CSMD2: variants seen among roughly 807,000 people sequenced by gnomAD.
The protein encoded by CSMD2 is CUB and Sushi multiple domains 2.
CSMD2 carries 130 observed loss-of-function variants against 398.5 expected under a neutral mutation model. The observed-to-expected ratio is 0.33, with a 90% CI of 0.28 to 0.38. CSMD2 has a LOEUF of 0.38. Among genes scored for constraint, CSMD2 ranks in the 10% least tolerant of loss-of-function variants. The pLI is 1.00. For synonymous variants in CSMD2, 1,828 were observed against 1,908.5 expected (o/e 0.96, Z 1.10); for missense variants, 3,829 against 4,764.9 (o/e 0.80, Z 5.78).
intron 5 of CSMD2, among the ~76,000 whole-genome samples, chr1:33,907,115 C>CTTTTTTTT (rs59706894): frequency 1.1e-5 from 1 of 89,002 alleles, no homozygotes; most frequent in Non-Finnish European, 2.1e-5. Context: ...TGATGATTAT[C>CTTTTTTTT]TTTTTTTTTT....
intron 25 of CSMD2, among the ~76,000 whole-genome samples, chr1:33,687,935 C>T (rs1040105693): frequency 3.9e-5 from 6 of 152,318 alleles, no homozygotes; most frequent in African/African-American, 1.4e-4. Flanking sequence ...ATCCTATTGT[C>T]CATCTAAGCG....
At chr1:34,090,331 C>T (rs973160128) in intron 1 of CSMD2, among the ~76,000 whole-genome samples, 1 of 152,174 alleles carries the variant, frequency 6.6e-6, no homozygotes, top group African/African-American at 2.4e-5. Flanking sequence ...CCCACAATAC[C>T]ATACTCCTTT....
At chr1:34,152,234 G>A (rs971677221) in intron 1 of CSMD2, among the ~76,000 whole-genome samples, 1 of 152,128 alleles carries the variant, frequency 6.6e-6, no homozygotes, top group Non-Finnish European at 1.5e-5. Flanking sequence ...ATGATTCATG[G>A]AATGGGTTTC....
At chr1:33,614,688 T>C in intron 39 of CSMD2, 68 bp from the exon 40 acceptor site, 1 of 851,232 alleles carries the variant, frequency 1.2e-6, no homozygotes, top group Admixed American at 2.2e-5. Flanking sequence ...TGCCAATGTT[T>C]GGAAGCTCCC....
At chr1:34,066,211 G>T (rs1655092040) in intron 2 of CSMD2, among the ~76,000 whole-genome samples, 1 of 152,114 alleles carries the variant, frequency 6.6e-6, no homozygotes, top group African/African-American at 2.4e-5. Context: ...TTTTTATGCA[G>T]ACACATACAC....
intron 5 of CSMD2, among the ~76,000 whole-genome samples, chr1:33,867,203 G>C (rs987206730): frequency 6.6e-6 from 1 of 152,246 alleles, no homozygotes; most frequent in African/African-American, 2.4e-5. Context: ...AAGTGGTCAA[G>C]TTTGAGAAGC....
At chr1:34,150,090 GT>G (rs1366026576) in intron 1 of CSMD2, among the ~76,000 whole-genome samples, 1 of 140,312 alleles carries the variant, frequency 7.1e-6, no homozygotes, top group Non-Finnish European at 1.5e-5. Flanking sequence ...TTTTTTTTTT[GT>G]TTTTTTTTGA....
intron 3 of CSMD2, among the ~76,000 whole-genome samples, chr1:33,971,688 G>A (rs975980362): frequency 1.3e-5 from 2 of 152,184 alleles, no homozygotes; most frequent in African/African-American, 4.8e-5. Context: ...GGTCATGTGG[G>A]ATTGGTTCAA....
At chr1:33,771,737 A>G (rs564155402) in intron 13 of CSMD2, among the ~76,000 whole-genome samples, 22 of 152,228 alleles carry the variant, frequency 1.4e-4, no homozygotes, top group Non-Finnish European at 1.2e-4. Flanking sequence ...CGGGTGAAGG[A>G]TCTGAGGGTC....
chr1:34,042,283 C>G (rs1434366548), intron 2 of CSMD2, among the ~76,000 whole-genome samples: 1 of 152,202 alleles, frequency 6.6e-6, no homozygotes, highest in Non-Finnish European at 1.5e-5. Context: ...GCTGGCAAAT[C>G]AAAACACTAT....
intron 3 of CSMD2, among the ~76,000 whole-genome samples, chr1:33,948,385 C>G (rs1435107530): frequency 6.6e-6 from 1 of 152,226 alleles, no homozygotes; most frequent in Admixed American, 6.5e-5. Context: ...CATACTAACA[C>G]ACACTCACAC....
chr1:33,894,594 T>G (rs1642255544), intron 5 of CSMD2, among the ~76,000 whole-genome samples: 2 of 152,190 alleles, frequency 1.3e-5, no homozygotes, highest in African/African-American at 2.4e-5. Context: ...AGACCCCCAT[T>G]GTGGTAGCTG....
At chr1:33,986,363 A>G (rs999254306) in intron 3 of CSMD2, among the ~76,000 whole-genome samples, 2 of 152,136 alleles carry the variant, frequency 1.3e-5, no homozygotes, top group East Asian at 3.9e-4. Flanking sequence ...AAGGGAAGGG[A>G]AGCTAACACG....
intron 5 of CSMD2, among the ~76,000 whole-genome samples, chr1:33,856,876 T>C (rs1463861906): frequency 6.6e-6 from 1 of 151,954 alleles, no homozygotes; most frequent in African/African-American, 2.4e-5. Flanking sequence ...TGAGCCCTTC[T>C]TTCCCCAGTT....
intron 19 of CSMD2, among the ~76,000 whole-genome samples, chr1:33,717,644 G>A (rs1393964477): frequency 2.0e-5 from 3 of 151,694 alleles, no homozygotes; most frequent in Non-Finnish European, 4.4e-5. Flanking sequence ...AGGATTAAAG[G>A]GGGACTACAG....
chr1:33,558,110 T>C (rs1207768002), intron 54 of CSMD2, among the ~76,000 whole-genome samples, 188 bp from the exon 55 acceptor site: 1 of 152,202 alleles, frequency 6.6e-6, no homozygotes, highest in South Asian at 2.1e-4. Flanking sequence ...CATCACCTCC[T>C]TAGAGAACTC....
chr1:33,825,563 G>T, intron 7 of CSMD2, 134 bp downstream of exon 7: 1 of 799,508 alleles, frequency 1.3e-6, no homozygotes, highest in African/African-American at 1.7e-5. Context: ...GTGTCCAAGC[G>T]CAGAGCCCAG....
chr1:33,616,719 A>G (rs1641414904), intron 39 of CSMD2, among the ~76,000 whole-genome samples, 187 bp downstream of exon 39: 1 of 152,228 alleles, frequency 6.6e-6, no homozygotes, highest in African/African-American at 2.4e-5. Context: ...AGAGTTTCCA[A>G]AAGTGATGAC....
chr1:33,558,947 AAAT>A (rs1278280672), intron 54 of CSMD2, among the ~76,000 whole-genome samples: 2 of 152,254 alleles, frequency 1.3e-5, no homozygotes, highest in Non-Finnish European at 2.9e-5. Flanking sequence ...GCAGCTGCAG[AAAT>A]AATATTACTT....
Sources: allele counts gnomAD v4.1 joint callset (sites outside exome capture counted in the v4.1 genomes callset), GRCh38; gene constraint gnomAD v4.1.1; transcripts MANE v1.5; gene names NCBI Gene and HGNC (gene_info 2026-07-23, HGNC 2026-07-21).